The following GDA variants were observed in gnomAD, a reference collection of about 807,000 sequenced individuals.
The protein encoded by GDA is cytoplasmic PSD-95 interactor.
A neutral mutation model predicts 59.6 loss-of-function variants in GDA; 18 were observed. The ratio of observed to expected loss-of-function variants is 0.30; its 90% CI spans 0.21 to 0.45. The LOEUF (loss-of-function observed/expected upper bound fraction) is 0.45. Among genes scored for constraint, GDA ranks in the 20% least tolerant of loss-of-function variants. The probability of loss-of-function intolerance (pLI) is 1.00; values close to 1 mark genes in which losing one functional copy is unlikely to be tolerated. For missense variants in GDA, 427 were observed against 552.3 expected (o/e 0.77, Z 2.27); for synonymous variants, 201 against 201.1 (o/e 1.00, Z 0.00).
upstream of GDA, among the ~76,000 whole-genome samples, chr9:72,144,591 A>T (rs574120913): frequency 2.0e-5 from 3 of 152,338 alleles, no homozygotes; most frequent in Admixed American, 2.0e-4. Context: ...ACTGTTAAAG[A>T]ATATTTATAG....
At position 72,220,352 on chromosome 9, in the gene GDA, G is replaced by A. The variant is rs543743325; in HGVS notation, c.606+846G>A. On this transcript the variant is annotated intron_variant, in intron 6 of 13. Transcript: ENST00000358399. ...ATAATGAAATATTAATGATTTTAGTGGATTTGTTTAGATATCGTTCACATA... is the reference window on the plus strand; with the variant it reads ...ATAATGAAATATTAATGATTTTAGTAGATTTGTTTAGATATCGTTCACATA... 5.3e-5 allele frequency among the ~76,000 whole-genome samples: 8 copies of A among 152,104 alleles called. No homozygotes were observed. The South Asian group carries it at 1.5e-3, about 28-fold the overall frequency.
At chr9:72,214,243 C>T (rs1835794813) in intron 5 of GDA, among the ~76,000 whole-genome samples, 1 of 152,068 alleles carries the variant, frequency 6.6e-6, no homozygotes, top group African/African-American at 2.4e-5. Context: ...TAGAAATCTC[C>T]ATGAAGCATC....
intron 1 of GDA, among the ~76,000 whole-genome samples, chr9:72,138,764 A>C (rs1218401035): frequency 6.6e-6 from 1 of 152,148 alleles, no homozygotes; most frequent in African/African-American, 2.4e-5. Flanking sequence ...AAAATCTTTC[A>C]ATTTCTAGGG....
At chr9:72,245,351 A>G in intron 12 of GDA, 73 bp downstream of exon 12, 1 of 1,146,538 alleles carries the variant, frequency 8.7e-7, no homozygotes, top group East Asian at 2.4e-5. Context: ...GTAGAAAAGA[A>G]AATAGAAACC....
intron 1 of GDA, among the ~76,000 whole-genome samples, chr9:72,140,429 A>G (rs1826399515): frequency 1.3e-5 from 2 of 152,266 alleles, no homozygotes; most frequent in South Asian, 4.1e-4. Flanking sequence ...GGTGCTGTAG[A>G]CAGTGATTGA....
At chr9:72,206,183 TTC>T in intron 3 of GDA, among the ~76,000 whole-genome samples, 1 of 152,302 alleles carries the variant, frequency 6.6e-6, no homozygotes, top group African/African-American at 2.4e-5. Context: ...AGACTGCATT[TTC>T]TCTGTTGATT....
intron 1 of GDA, among the ~76,000 whole-genome samples, chr9:72,184,226 GTC>G (rs1377910064): frequency 6.6e-6 from 1 of 151,994 alleles, no homozygotes; most frequent in Non-Finnish European, 1.5e-5. Context: ...ATCAACCAAA[GTC>G]CACAGTTTAT....
downstream of GDA, among the ~76,000 whole-genome samples, chr9:72,258,672 G>A (rs1177110160): frequency 1.3e-5 from 2 of 152,246 alleles, no homozygotes; most frequent in South Asian, 4.1e-4. Context: ...TCAGGGCTCT[G>A]TCCCTGCCCA....
Position 72,164,538 on chromosome 9 carries a change from T to TA in GDA, c.123+14863dup, listed in dbSNP as rs574620787. On this transcript the variant is annotated intron_variant, in intron 1 of 13. Coordinates refer to ENST00000358399, the MANE Select transcript of GDA (RefSeq NM_004293.5). ...TAATCACAGACAACTCTTTTGAGAT[T>TA]AAAAAAATGTGTAGTGTTTTATCAT... is the stretch of plus-strand genomic sequence containing the variant. Among the ~76,000 whole-genome samples, 40 of 152,194 alleles carry TA rather than the reference T, an allele frequency of 2.6e-4. 1 individual carries two copies. The East Asian group carries it at 7.0e-3, about 26-fold the overall frequency.
chr9:72,215,481 TA>T (rs1475522446), intron 5 of GDA, among the ~76,000 whole-genome samples: 1 of 152,156 alleles, frequency 6.6e-6, no homozygotes, highest in Non-Finnish European at 1.5e-5. Context: ...GTAATGGCCA[TA>T]ACAGGCTAAT....
At chr9:72,120,447 G>T (rs1825622236) in intron 1 of GDA, among the ~76,000 whole-genome samples, 1 of 152,174 alleles carries the variant, frequency 6.6e-6, no homozygotes, top group African/African-American at 2.4e-5. Flanking sequence ...GCCCGCCTCA[G>T]CCTCCCAAAG....
chr9:72,170,311 A>G lies in GDA; in HGVS notation c.123+20629A>G, dbSNP rs546492142. On this transcript the variant is annotated intron_variant, in intron 1 of 13. Coordinates refer to ENST00000358399, the MANE Select transcript of GDA (RefSeq NM_004293.5). Reference sequence around the variant, plus strand: ...TGGCAAAAATGGCTCTCCCAGTTCTATATAAAAGATACAGCAAGAAGCAGT... The same window carrying G: ...TGGCAAAAATGGCTCTCCCAGTTCTGTATAAAAGATACAGCAAGAAGCAGT... 2.0e-5 allele frequency among the ~76,000 whole-genome samples: 3 copies of G among 152,346 alleles called. No individual in the cohort carries two copies. In the South Asian group the frequency reaches 6.2e-4, roughly 32 times the overall value.
chr9:72,171,623 G>T (rs1208442616), intron 1 of GDA, among the ~76,000 whole-genome samples: 2 of 152,078 alleles, frequency 1.3e-5, no homozygotes, highest in Non-Finnish European at 2.9e-5. Flanking sequence ...TTTTGTGTGG[G>T]TTTATTGTTC....
intron 1 of GDA, among the ~76,000 whole-genome samples, chr9:72,190,464 C>T (rs1384480202): frequency 6.6e-6 from 1 of 152,146 alleles, no homozygotes; most frequent in East Asian, 1.9e-4. Flanking sequence ...GTGAAGAATA[C>T]AGTATATAAT....
intron 6 of GDA, among the ~76,000 whole-genome samples, chr9:72,221,523 A>G (rs559669292): frequency 3.9e-5 from 6 of 152,312 alleles, no homozygotes; most frequent in African/African-American, 1.4e-4. Context: ...ATTTTGGGGT[A>G]CCCTTCACAT....
At chr9:72,213,574 C>T (rs931549243) in intron 4 of GDA, among the ~76,000 whole-genome samples, 45 of 151,992 alleles carry the variant, frequency 3.0e-4, no homozygotes, top group African/African-American at 4.6e-4. Context: ...GAGGCCGAGG[C>T]GGGCGGATCA....
At chr9:72,258,458 C>T (rs1352913727), downstream of GDA, among the ~76,000 whole-genome samples, 2 of 152,178 alleles carry the variant, frequency 1.3e-5, no homozygotes, top group Non-Finnish European at 2.9e-5. Context: ...CCCTTGGGAG[C>T]CATGAGCTGG....
intron 1 of GDA, among the ~76,000 whole-genome samples, chr9:72,160,664 G>T (rs1287095218): frequency 6.6e-6 from 1 of 151,984 alleles, no homozygotes; most frequent in Non-Finnish European, 1.5e-5. Flanking sequence ...CTGCCCTTTG[G>T]CTATTTGTCA....
At chr9:72,173,069 C>G (rs1830153335) in intron 1 of GDA, among the ~76,000 whole-genome samples, 3 of 152,172 alleles carry the variant, frequency 2.0e-5, no homozygotes, top group African/African-American at 7.2e-5. Flanking sequence ...TTAAGCAACA[C>G]ACGCAGATTC....
Sources: allele counts gnomAD v4.1 joint callset (sites outside exome capture counted in the v4.1 genomes callset), GRCh38; gene constraint gnomAD v4.1.1; transcripts MANE v1.5; gene names NCBI Gene and HGNC (gene_info 2026-07-23, HGNC 2026-07-21).